SMOC1: variants seen among roughly 807,000 people sequenced by gnomAD.
SMOC1 encodes the protein SPARC-related modular calcium-binding protein 1.
Under a neutral mutation model 56.3 loss-of-function variants are expected in SMOC1, and 22 were observed. The observed-to-expected ratio is 0.39, with a 90% CI of 0.28 to 0.56. The LOEUF (loss-of-function observed/expected upper bound fraction) is 0.56. SMOC1 is among the 20% of genes least tolerant of loss of function. The pLI is 0.61. For missense variants in SMOC1, 509 were observed against 565.4 expected (o/e 0.90, Z 1.01); for synonymous variants, 193 against 215.0 (o/e 0.90, Z 0.89).
At chr14:69,881,691 T>C (rs1290825481) in intron 1 of SMOC1, among the ~76,000 whole-genome samples, 2 of 151,690 alleles carry the variant, frequency 1.3e-5, no homozygotes, top group East Asian at 1.9e-4. Context: ...CACACACACA[T>C]GTGCACACAC....
In SMOC1 at chr14:70,007,859, G is replaced by T. The variant is rs183352416; in HGVS notation, c.665-2895G>T. On this transcript the variant is annotated intron_variant, in intron 7 of 11. Transcript: ENST00000361956. ...ATGTTTGTTTTTCTTGTTATTAGTTGTAAAGATGATTTTAAGGGAGATTTT... is the reference window on the plus strand; with the variant it reads ...ATGTTTGTTTTTCTTGTTATTAGTTTTAAAGATGATTTTAAGGGAGATTTT... Among the ~76,000 whole-genome samples, 226 of 152,220 alleles carry T rather than the reference G, an allele frequency of 1.5e-3. 1 individual carries two copies. The highest frequency in any genetic ancestry group is 2.2e-3 in the Non-Finnish European group (152 of 68,020).
At chr14:69,923,898 G>A (rs1884919803) in intron 1 of SMOC1, among the ~76,000 whole-genome samples, 1 of 152,188 alleles carries the variant, frequency 6.6e-6, no homozygotes, top group East Asian at 1.9e-4. Context: ...TGAGCCACTG[G>A]TGGGGTGGGC....
At chr14:69,955,863 C>T (rs61981761) in intron 3 of SMOC1, among the ~76,000 whole-genome samples, 1 of 152,202 alleles carries the variant, frequency 6.6e-6, no homozygotes. Flanking sequence ...TCAGACTTCT[C>T]TCAGATTAGT....
rs1885327399 is a variant in SMOC1, at chr14:69,937,597, G to T, written c.100-14541G>T. 2.0e-5 allele frequency among the ~76,000 whole-genome samples: 3 copies of T among 152,198 alleles called. No homozygotes were observed. The South Asian group carries it at 6.2e-4, about 32-fold the overall frequency. ...GAAGTCAGACGTGAGCCTGGGGCCT[G>T]GGCAGCGGTCATCAATCCTTGTCTG... On this transcript the variant is annotated intron_variant, in intron 1 of 11. Coordinates refer to ENST00000361956, the MANE Select transcript of SMOC1 (RefSeq NM_001034852.3).
chr14:69,982,461 C>G (rs1884214501), intron 5 of SMOC1, among the ~76,000 whole-genome samples: 1 of 152,196 alleles, frequency 6.6e-6, no homozygotes. Context: ...CCTTGTCACT[C>G]AAGCAATGGA....
chr14:70,016,391 T>TGATGGGAATGAAGACTTGAACTGC (rs1885513890), intron 10 of SMOC1, among the ~76,000 whole-genome samples: 2 of 152,228 alleles, frequency 1.3e-5, no homozygotes, highest in South Asian at 4.1e-4. Flanking sequence ...TACTTGGTTT[T>TGATGGGAATGAAGACTTGAACTGC]GATGGGAATG....
rs200048574 is a variant in SMOC1, at chr14:69,977,988, T to C, written c.526+23T>C. ...AAGGTGAGTGGAGTTTTATGCTTTA[T>C]CTAAATGTTTGCTTCCAAAGGTGGT... is the stretch of plus-strand genomic sequence containing the variant. On this transcript the variant is annotated intron_variant, in intron 5 of 11. Coordinates refer to ENST00000361956, the MANE Select transcript of SMOC1 (RefSeq NM_001034852.3). The C allele has an allele frequency of 5.0e-6, 8 of 1,606,242 alleles. No homozygotes were observed. The African/African-American group carries it at 1.1e-4, about 21-fold the overall frequency.
chr14:69,934,270 C>T (rs775324658), intron 1 of SMOC1, among the ~76,000 whole-genome samples: 37 of 152,310 alleles, frequency 2.4e-4, no homozygotes, highest in Middle Eastern at 6.8e-3. Flanking sequence ...CTGTTAGAAG[C>T]ATCACACCTG....
At chr14:69,957,353 G>A (rs937635927) in intron 3 of SMOC1, among the ~76,000 whole-genome samples, 4 of 152,202 alleles carry the variant, frequency 2.6e-5, no homozygotes, top group African/African-American at 7.2e-5. Context: ...CCTTTTGAGA[G>A]TTATTAATAC....
intron 1 of SMOC1, among the ~76,000 whole-genome samples, chr14:69,907,534 G>A (rs1250768810): frequency 6.6e-6 from 1 of 152,128 alleles, no homozygotes; most frequent in Non-Finnish European, 1.5e-5. Context: ...ATGAACCAAG[G>A]GTAGAGACAA....
chr14:69,922,976 G>A (rs901418544), intron 1 of SMOC1, among the ~76,000 whole-genome samples: 9 of 148,778 alleles, frequency 6.0e-5, no homozygotes, highest in Non-Finnish European at 1.2e-4. Flanking sequence ...ATGGAGTCTC[G>A]CTTTGTCGTC....
At chr14:69,934,608 T>C (rs1176089799) in intron 1 of SMOC1, among the ~76,000 whole-genome samples, 2 of 152,146 alleles carry the variant, frequency 1.3e-5, no homozygotes, top group Non-Finnish European at 2.9e-5. Flanking sequence ...AGCATCTTTG[T>C]TTAGTCCTAC....
At chr14:69,970,315 G>A (rs1051632590) in intron 3 of SMOC1, among the ~76,000 whole-genome samples, 18 of 152,100 alleles carry the variant, frequency 1.2e-4, no homozygotes, top group Admixed American at 4.6e-4. Flanking sequence ...TCCATCTGCC[G>A]GGACAAGGTA....
At chr14:69,967,121 C>T (rs1292927631) in intron 3 of SMOC1, among the ~76,000 whole-genome samples, 1 of 152,208 alleles carries the variant, frequency 6.6e-6, no homozygotes, top group Non-Finnish European at 1.5e-5. Flanking sequence ...ATGTTGGCAG[C>T]CATATCACAC....
Position 69,953,449 on chromosome 14 carries a change from C to A in SMOC1, c.295C>A (p.Arg99=). 1 of 1,614,214 alleles carries A rather than the reference C, an allele frequency of 6.2e-7. No individual in the cohort carries two copies. Among genetic ancestry groups the A allele is most frequent in the Non-Finnish European group, 8.5e-7 (1 of 1,180,020 alleles). The part of the protein sequence containing the change: ...DAGQSKCRLE[R]AQALEQAKKP... ...TGGCCAGAGCAAGTGTCGCCTGGAG[C>A]GGGCTCAAGCCCTGGAGCAAGCCAA... Residue 99 remains arginine (R), a synonymous_variant, in exon 3 of 12, where the codon CGG becomes AGG. Transcript: ENST00000361956.
intron 5 of SMOC1, among the ~76,000 whole-genome samples, chr14:69,981,517 C>CGT (rs1463915159): frequency 3.9e-5 from 6 of 151,900 alleles, no homozygotes; most frequent in African/African-American, 1.5e-4. Context: ...TAAAGAGAGA[C>CGT]GTGTGTGTGT....
intron 3 of SMOC1, among the ~76,000 whole-genome samples, chr14:69,967,342 G>A (rs1883609906): frequency 6.6e-6 from 1 of 152,242 alleles, no homozygotes; most frequent in Admixed American, 6.5e-5. Flanking sequence ...AAGAATAGCA[G>A]TGCTTTCAGG....
intron 7 of SMOC1, among the ~76,000 whole-genome samples, chr14:70,002,826 A>G (rs1885016330): frequency 6.6e-6 from 1 of 152,240 alleles, no homozygotes; most frequent in African/African-American, 2.4e-5. Flanking sequence ...ATAAACAGCA[A>G]GGGCCTGCTC....
intron 7 of SMOC1, among the ~76,000 whole-genome samples, chr14:70,003,313 G>A (rs955459686): frequency 7.9e-5 from 12 of 152,152 alleles, no homozygotes; most frequent in African/African-American, 2.9e-4. Context: ...ACCCAAGTAA[G>A]TGCCTCTCAT....
Sources: gnomAD v4.1 joint callset for allele counts (sites outside exome capture counted in the v4.1 genomes callset) on GRCh38, gnomAD v4.1.1 for gene constraint, MANE v1.5 for transcripts, NCBI Gene and HGNC (gene_info 2026-07-23, HGNC 2026-07-21) for gene names.